Variants in CFAP299 observed in about 807,000 individuals in gnomAD.
CFAP299 encodes the protein cilia and flagella associated protein 299.
CFAP299 carries 21 observed loss-of-function variants against 27.0 expected under a neutral mutation model. That is an observed-to-expected ratio of 0.78 (90% CI 0.55 to 1.12). The LOEUF is 1.12. Among genes scored for constraint, CFAP299 ranks in the 50% most tolerant of loss-of-function variants. CFAP299 has a pLI of 0.00. For missense variants in CFAP299, 310 were observed against 276.6 expected, an observed-to-expected ratio of 1.12 and a Z score of -0.86; for synonymous variants, 104 against 98.1, an observed-to-expected ratio of 1.06 and a Z score of -0.36.
intron 3 of CFAP299, among the ~76,000 whole-genome samples, chr4:80,634,045 A>T (rs1271889133): frequency 1.4e-5 from 2 of 141,398 alleles, no homozygotes; most frequent in Admixed American, 7.5e-5. Flanking sequence ...AGTGAGTGGC[A>T]TACTCTCGGC....
chr4:80,704,396 A>G (rs1206450233), intron 3 of CFAP299, among the ~76,000 whole-genome samples: 2 of 151,656 alleles, frequency 1.3e-5, no homozygotes, highest in Non-Finnish European at 3.0e-5. Flanking sequence ...AAGGCCTGGA[A>G]GAGCTATCAC....
At chr4:80,392,353 C>T (rs865875991) in intron 2 of CFAP299, among the ~76,000 whole-genome samples, 15 of 152,192 alleles carry the variant, frequency 9.9e-5, no homozygotes, top group African/African-American at 3.6e-4. Context: ...ATGAGATTTG[C>T]GAGGTGCCAG....
At position 80,803,019 on chromosome 4, in the gene CFAP299, T is replaced by G. The variant is rs1560421038; in HGVS notation, c.334-66974T>G. Among the ~76,000 whole-genome samples, 3 of 152,214 alleles carry G rather than the reference T, an allele frequency of 2.0e-5. No individual in the cohort carries two copies. In the South Asian group the frequency reaches 6.2e-4, roughly 32 times the overall value. ...ATCATGCAATAGAATAAATAGGGAT[T>G]CAGCTCAACTTTTTTCATCAACTGT... On this transcript the variant is annotated intron_variant, in intron 3 of 5. Transcript: ENST00000358105.
At chr4:80,680,499 A>G (rs958063679) in intron 3 of CFAP299, among the ~76,000 whole-genome samples, 8 of 152,280 alleles carry the variant, frequency 5.3e-5, no homozygotes, top group Admixed American at 3.3e-4. Flanking sequence ...ATCAGATTAA[A>G]TTATTTTGTA....
At chr4:80,945,741 G>C (rs1272058855) in intron 5 of CFAP299, among the ~76,000 whole-genome samples, 6 of 152,036 alleles carry the variant, frequency 3.9e-5, no homozygotes, top group Non-Finnish European at 8.8e-5. Flanking sequence ...TATGGACAAG[G>C]ATGGGCCAAA....
intron 3 of CFAP299, among the ~76,000 whole-genome samples, chr4:80,781,373 T>A (rs1726867488): frequency 6.6e-6 from 1 of 152,060 alleles, no homozygotes; most frequent in Admixed American, 6.6e-5. Context: ...AAGAGAGGTG[T>A]ATGTGATATT....
At chr4:80,625,545 T>A (rs1560663591) in intron 3 of CFAP299, among the ~76,000 whole-genome samples, 1 of 152,026 alleles carries the variant, frequency 6.6e-6, no homozygotes, top group Non-Finnish European at 1.5e-5. Context: ...TTACTTTGAA[T>A]GTAAATGGAT....
chr4:80,408,910 G>T (rs1256366982), intron 2 of CFAP299, among the ~76,000 whole-genome samples: 2 of 151,426 alleles, frequency 1.3e-5, no homozygotes, highest in Non-Finnish European at 2.9e-5. Context: ...GAATAAAATG[G>T]TTAAGTGGTA....
At chr4:80,667,489 T>G (rs1032118851) in intron 3 of CFAP299, among the ~76,000 whole-genome samples, 3 of 152,122 alleles carry the variant, frequency 2.0e-5, no homozygotes, top group Non-Finnish European at 4.4e-5. Context: ...TTTATTCCCC[T>G]CACTTGCCCC....
At chr4:80,902,482 G>A (rs9714875) in intron 4 of CFAP299, among the ~76,000 whole-genome samples, 2 of 114,242 alleles carry the variant, frequency 1.8e-5, no homozygotes, top group Non-Finnish European at 3.2e-5. Flanking sequence ...ATGTATATAT[G>A]TATATATACA....
intron 4 of CFAP299, among the ~76,000 whole-genome samples, chr4:80,879,549 T>C (rs1733583732): frequency 6.6e-6 from 1 of 152,242 alleles, no homozygotes; most frequent in Admixed American, 6.5e-5. Context: ...TGTTGGTTAC[T>C]TGGATCTAAA....
chr4:80,496,867 G>A lies in CFAP299; in HGVS notation c.243-86226G>A, dbSNP rs185924047. On this transcript the variant is annotated intron_variant, in intron 2 of 5. Transcript: ENST00000358105. ...TAGAATCATGGCAAAAGACAGAGGG[G>A]GAGTAGGCATATCACATGGTGAATG... is the stretch of plus-strand genomic sequence containing the variant. Among the ~76,000 whole-genome samples, 6 of 152,248 alleles carry A rather than the reference G, an allele frequency of 3.9e-5. No individual in the cohort carries two copies. The East Asian group carries it at 9.7e-4, about 25-fold the overall frequency.
At chr4:80,951,410 A>G (rs993841484) in intron 5 of CFAP299, among the ~76,000 whole-genome samples, 1 of 152,334 alleles carries the variant, frequency 6.6e-6, no homozygotes, top group South Asian at 2.1e-4. Flanking sequence ...AATACTCCTG[A>G]CTATTAAGCC....
At chr4:80,400,554 T>C (rs1322310850) in intron 2 of CFAP299, among the ~76,000 whole-genome samples, 1 of 152,178 alleles carries the variant, frequency 6.6e-6, no homozygotes, top group Non-Finnish European at 1.5e-5. Context: ...TCATTTTCTC[T>C]TGCTACCGCC....
chr4:80,671,722 G>C (rs1741496203), intron 3 of CFAP299, among the ~76,000 whole-genome samples: 1 of 152,104 alleles, frequency 6.6e-6, no homozygotes, highest in African/African-American at 2.4e-5. Context: ...TCCCTTGTAA[G>C]TTGGATTCCT....
At chr4:80,578,693 T>C (rs1030505411) in intron 2 of CFAP299, among the ~76,000 whole-genome samples, 5 of 152,302 alleles carry the variant, frequency 3.3e-5, no homozygotes, top group African/African-American at 1.2e-4. Flanking sequence ...TGGGCCTAGA[T>C]ATATTTAGCA....
chr4:80,947,274 A>C (rs115920199), intron 5 of CFAP299, among the ~76,000 whole-genome samples: 5,607 of 152,268 alleles, frequency 0.037, 277 homozygotes, highest in African/African-American at 0.12. Flanking sequence ...GGTAAGAGTA[A>C]GAATTATTAG....
At chr4:80,557,782 A>G (rs1164273530) in intron 2 of CFAP299, among the ~76,000 whole-genome samples, 1 of 152,166 alleles carries the variant, frequency 6.6e-6, no homozygotes, top group East Asian at 1.9e-4. Flanking sequence ...CTATACAACA[A>G]CAAAAAAGGA....
At chr4:80,830,094 T>C (rs138760885) in intron 3 of CFAP299, among the ~76,000 whole-genome samples, 1 of 152,204 alleles carries the variant, frequency 6.6e-6, no homozygotes, top group East Asian at 1.9e-4. Flanking sequence ...TATTTTACAG[T>C]GAAAACAAAA....
Sources: allele counts gnomAD v4.1 joint callset (sites outside exome capture counted in the v4.1 genomes callset), GRCh38; gene constraint gnomAD v4.1.1; transcripts MANE v1.5; gene names NCBI Gene and HGNC (gene_info 2026-07-23, HGNC 2026-07-21).